RANBP2: variants seen among roughly 807,000 people sequenced by gnomAD.
RANBP2 encodes the protein RAN binding protein 2.
In RANBP2, 57 loss-of-function variants were observed where a neutral mutation model predicts 303.6. The observed-to-expected ratio is 0.19, with a 90% CI of 0.15 to 0.23. The LOEUF is 0.23. RANBP2 is among the 10% of genes least tolerant of loss of function. RANBP2 has a pLI of 1.00. For missense variants in RANBP2, 3,138 were observed against 3,780.8 expected, an observed-to-expected ratio of 0.83 and a Z score of 4.46; for synonymous variants, 1,167 against 1,301.5, an observed-to-expected ratio of 0.90 and a Z score of 2.23.
At chr2:109,598,812 G>A in the RANBP2 span, among the ~76,000 whole-genome samples, 13 of 152,104 alleles carry the variant, frequency 8.5e-5, no homozygotes, top group South Asian at 4.2e-4. Flanking sequence ...CCAGGGAGGC[G>A]GAGGTTGCAG....
chr2:109,210,164 C>G, the RANBP2 span, among the ~76,000 whole-genome samples: 1 of 152,230 alleles, frequency 6.6e-6, no homozygotes. Context: ...GAATAATATT[C>G]CATTGTATGG....
At chr2:109,079,717 T>G in the RANBP2 span, among the ~76,000 whole-genome samples, 1 of 152,054 alleles carries the variant, frequency 6.6e-6, no homozygotes, top group Non-Finnish European at 1.5e-5. Context: ...CACACACACA[T>G]AACACTCAAG....
the RANBP2 span, among the ~76,000 whole-genome samples, chr2:109,561,174 C>T: frequency 6.6e-6 from 1 of 152,172 alleles, no homozygotes; most frequent in East Asian, 1.9e-4. Flanking sequence ...ATCTGTCCTG[C>T]TGTACTGCAG....
the RANBP2 span, among the ~76,000 whole-genome samples, chr2:109,673,465 G>T: frequency 3.3e-5 from 5 of 152,294 alleles, no homozygotes; most frequent in Non-Finnish European, 5.9e-5. Context: ...AAACAGACAG[G>T]TCCCTCTCAA....
the RANBP2 span, chr2:109,614,717 CG>C: frequency 9.4e-6 from 14 of 1,488,956 alleles, no homozygotes; most frequent in Non-Finnish European, 1.2e-5. Context: ...GCGCCAAGTA[CG>C]TGCACCTCAA....
At position 108,772,951 on chromosome 2, in the gene RANBP2, C is replaced by T. The variant is rs781744139; in HGVS notation, c.8197C>T (p.Pro2733Ser). 3.0e-5 allele frequency: 48 copies of T among 1,613,784 alleles called. No homozygotes were observed. The highest frequency in any genetic ancestry group is 2.7e-4 in the East Asian group (12 of 44,852). ...AAAAGCAGATACGTTAAAACTTCCA[C>T]CTACATTTTTTTGTGGAGTCTGTAG... Reference protein sequence around the residue: ...KAKADTLKLPPTFFCGVCSDT... With the variant: ...KAKADTLKLPSTFFCGVCSDT... Residue 2733 changes from proline (P) to serine (S), a missense_variant, in exon 23 of 29, where the codon CCT (proline) becomes TCT (serine). Around this residue, in one of 20 missense-constraint regions of RANBP2, gnomAD observed 497 missense variants for 465.8 expected, o/e 1.07. Transcript: ENST00000283195.
chr2:109,638,641 A>G, the RANBP2 span, among the ~76,000 whole-genome samples: 1 of 152,228 alleles, frequency 6.6e-6, no homozygotes, highest in Non-Finnish European at 1.5e-5. Context: ...CCCAGGTAAT[A>G]TATTTCCAAA....
At chr2:109,580,703 C>A in the RANBP2 span, among the ~76,000 whole-genome samples, 1 of 152,152 alleles carries the variant, frequency 6.6e-6, no homozygotes, top group African/African-American at 2.4e-5. Flanking sequence ...CCTTAAATAA[C>A]TAGAAACCTG....
chr2:109,639,631 T>TA, the RANBP2 span, among the ~76,000 whole-genome samples: 13 of 148,596 alleles, frequency 8.7e-5, no homozygotes, highest in South Asian at 4.2e-4. Context: ...AAATAAAAAA[T>TA]AAAAAAAAAT....
At chr2:109,577,271 T>C in the RANBP2 span, among the ~76,000 whole-genome samples, 1 of 152,172 alleles carries the variant, frequency 6.6e-6, no homozygotes, top group Non-Finnish European at 1.5e-5. Context: ...AAACATATAC[T>C]GGCCATATAA....
At chr2:109,698,363 G>A in the RANBP2 span, among the ~76,000 whole-genome samples, 1 of 151,742 alleles carries the variant, frequency 6.6e-6, no homozygotes, top group Non-Finnish European at 1.5e-5. Context: ...CTACTCAGGA[G>A]GCTGAGGCAG....
the RANBP2 span, among the ~76,000 whole-genome samples, chr2:109,496,964 A>G: frequency 6.6e-6 from 1 of 152,204 alleles, no homozygotes; most frequent in African/African-American, 2.4e-5. Flanking sequence ...ATGGAGGAAG[A>G]AGCCTCCAGA....
the RANBP2 span, among the ~76,000 whole-genome samples, chr2:109,693,467 C>T: frequency 6.6e-6 from 1 of 152,148 alleles, no homozygotes. Flanking sequence ...CCCACAACTC[C>T]TGGTGGCAGA....
chr2:109,359,663 A>G, the RANBP2 span, among the ~76,000 whole-genome samples: 1 of 152,180 alleles, frequency 6.6e-6, no homozygotes, highest in African/African-American at 2.4e-5. Flanking sequence ...CCAAAATCCA[A>G]AATTTTTTGA....
chr2:108,982,120 T>C, the RANBP2 span, among the ~76,000 whole-genome samples: 2 of 152,212 alleles, frequency 1.3e-5, no homozygotes, highest in Non-Finnish European at 1.5e-5. Context: ...CTTTAGGCCA[T>C]GAGAATAGGG....
At chr2:109,534,558 TC>T in the RANBP2 span, among the ~76,000 whole-genome samples, 1 of 152,138 alleles carries the variant, frequency 6.6e-6, no homozygotes, top group Admixed American at 6.5e-5. Flanking sequence ...GGTGAGTGGA[TC>T]ACTTGAGGTT....
At chr2:109,567,876 A>G in the RANBP2 span, 1 of 1,613,956 alleles carries the variant, frequency 6.2e-7, no homozygotes, top group Non-Finnish European at 8.5e-7. Flanking sequence ...GTATATCTGG[A>G]CGCCATTGCT....
Position 108,764,573 on chromosome 2 carries a change from A to G in RANBP2, c.4034A>G (p.Glu1345Gly). 1.2e-6 allele frequency: 2 copies of G among 1,614,060 alleles called. No individual in the cohort carries two copies. The highest frequency in any genetic ancestry group is 1.7e-6 in the Non-Finnish European group (2 of 1,179,982). The stretch of plus-strand genomic sequence containing the variant: ...TCTGATGCTGGAAACCTGAATTTTG[A>G]ATTTCAGGTTGCAAAGAAAGAAGGG... The part of the protein sequence containing the change: ...CKSDAGNLNF[E>G]FQVAKKEGSW... The change falls in exon 20 of 29, where the codon GAA (glutamate) becomes GGA (glycine). Residue 1345 changes from glutamate (E) to glycine (G), a missense_variant. Transcript: ENST00000283195.
At chr2:109,713,996 G>C in the RANBP2 span, among the ~76,000 whole-genome samples, 1 of 152,222 alleles carries the variant, frequency 6.6e-6, no homozygotes, top group East Asian at 1.9e-4. Flanking sequence ...AGATCCCACA[G>C]GTTAAGGGCT....
Sources: allele counts gnomAD v4.1 joint callset (sites outside exome capture counted in the v4.1 genomes callset), GRCh38; gene constraint gnomAD v4.1.1; regional missense constraint gnomAD v4.1.1; transcripts MANE v1.5; gene names NCBI Gene and HGNC (gene_info 2026-07-23, HGNC 2026-07-21).